WDR17: variants seen among roughly 807,000 people sequenced by gnomAD.
The protein encoded by WDR17 is WD repeat-containing protein 17.
In WDR17, 143 loss-of-function variants were observed where a neutral mutation model predicts 161.7. That is an observed-to-expected ratio of 0.88 (90% CI 0.77 to 1.02). The LOEUF (loss-of-function observed/expected upper bound fraction) is 1.02. Among genes scored for constraint, WDR17 ranks in the 50% least tolerant of loss-of-function variants. The pLI is 0.00. For synonymous variants in WDR17, 517 were observed against 515.6 expected, an observed-to-expected ratio of 1.00 and a Z score of -0.04; for missense variants, 1,469 against 1,520.9, an observed-to-expected ratio of 0.97 and a Z score of 0.57.
At chr4:176,167,324 T>A (rs1352031688) in intron 22 of WDR17, among the ~76,000 whole-genome samples, 1 of 152,156 alleles carries the variant, frequency 6.6e-6, no homozygotes, top group South Asian at 2.1e-4. Context: ...ATGTCACCTC[T>A]TCTGTATGGC....
In WDR17 at chr4:176,120,033, T is replaced by C; in HGVS notation, c.474T>C (p.His158=). The C allele has an allele frequency of 6.2e-7, 1 of 1,614,068 alleles. No individual in the cohort carries two copies. ...CTGATATCTGTATGTTCAGATGGCA[T>C]ACACACCAAAAGGGGAAAGTTGTGT... The part of the protein sequence containing the change: ...FLSDICMFRW[H]THQKGKVVFG... Residue 158 remains histidine (H), a synonymous_variant, in exon 4 of 29, where the codon CAT becomes CAC. Coordinates refer to ENST00000508596, the MANE Select transcript of WDR17 (RefSeq NM_181265.4).
At chr4:176,096,448 T>C (rs1736872844) in intron 1 of WDR17, 1 of 1,259,264 alleles carries the variant, frequency 7.9e-7, no homozygotes, top group Non-Finnish European at 1.1e-6. Context: ...TTGAAACACA[T>C]TGTTGTTACT....
intron 25 of WDR17, among the ~76,000 whole-genome samples, chr4:176,174,336 T>C (rs1480376734): frequency 6.6e-6 from 1 of 152,068 alleles, no homozygotes; most frequent in Non-Finnish European, 1.5e-5. Flanking sequence ...TAGGGATAAA[T>C]TACATGAAGA....
chr4:176,170,850 C>T (rs1750633730), intron 23 of WDR17, among the ~76,000 whole-genome samples: 1 of 152,206 alleles, frequency 6.6e-6, no homozygotes, highest in South Asian at 2.1e-4. Context: ...TGCTCCTCGA[C>T]TTACCATGGG....
At chr4:176,145,866 A>G (rs976674014) in intron 11 of WDR17, 129 bp from the exon 12 acceptor site, 1 of 724,378 alleles carries the variant, frequency 1.4e-6, no homozygotes, top group Non-Finnish European at 2.1e-6. Flanking sequence ...TTACATATGT[A>G]AGTTTTTAGT....
intron 1 of WDR17, among the ~76,000 whole-genome samples, chr4:176,104,830 A>C (rs1171202168): frequency 6.6e-6 from 1 of 152,062 alleles, no homozygotes; most frequent in African/African-American, 2.4e-5. Context: ...TGAGGACAAA[A>C]AAACTATGAA....
chr4:176,155,958 C>A, intron 17 of WDR17, 121 bp from the exon 18 acceptor site: 1 of 863,452 alleles, frequency 1.2e-6, no homozygotes, highest in Non-Finnish European at 1.7e-6. Flanking sequence ...CAAATCAGGA[C>A]TCAAGAACTC....
intron 1 of WDR17, among the ~76,000 whole-genome samples, chr4:176,097,367 T>C (rs757621189): frequency 1.4e-4 from 22 of 152,138 alleles, no homozygotes; most frequent in African/African-American, 4.8e-4. Flanking sequence ...GCCAATGATA[T>C]ACAGTACTTT....
chr4:176,156,011 A>G, intron 17 of WDR17, 68 bp from the exon 18 acceptor site: 1 of 1,368,060 alleles, frequency 7.3e-7, no homozygotes, highest in African/African-American at 1.5e-5. Flanking sequence ...CTATTTTTTA[A>G]GTGTCTTAAG....
In WDR17 at chr4:176,172,521, G is replaced by T. The variant is rs1419745292; in HGVS notation, c.3244+5G>T. 3 of 1,575,680 alleles carry T rather than the reference G, an allele frequency of 1.9e-6. No homozygotes were observed. The highest frequency in any genetic ancestry group is 2.6e-6 in the Non-Finnish European group (3 of 1,168,090). ...TTGGTATTAGCTTTGTTAAAGGTAA[G>T]TAATTAGTTGGTAGTAGAATTTTAA... On this transcript the variant is annotated splice_donor_5th_base_variant and intron_variant, in intron 24 of 28. Transcript: ENST00000508596.
chr4:176,154,426 AG>A (rs1189467414), intron 17 of WDR17, among the ~76,000 whole-genome samples: 7 of 152,200 alleles, frequency 4.6e-5, no homozygotes, highest in African/African-American at 1.7e-4. Context: ...GGTTGCAGTG[AG>A]CCAAGATCAT....
At chr4:176,089,090 TAGAA>T (rs1735780120) in intron 1 of WDR17, among the ~76,000 whole-genome samples, 1 of 152,198 alleles carries the variant, frequency 6.6e-6, no homozygotes, top group Non-Finnish European at 1.5e-5. Flanking sequence ...TTGTTAATAT[TAGAA>T]AGCACTGCTG....
intron 7 of WDR17, 62 bp downstream of exon 7, chr4:176,131,800 A>C: frequency 8.2e-7 from 1 of 1,218,730 alleles, no homozygotes; most frequent in East Asian, 2.7e-5. Context: ...CATGATCTTT[A>C]CTTTTACCTG....
chr4:176,173,216 A>G (rs763082801), intron 24 of WDR17, 51 bp from the exon 25 acceptor site: 2 of 1,258,760 alleles, frequency 1.6e-6, no homozygotes, highest in African/African-American at 3.0e-5. Flanking sequence ...TGGATGAATA[A>G]ATTTTGAGAC....
In WDR17 at chr4:176,162,123, T is replaced by C; in HGVS notation, c.2799T>C (p.Asp933=). 3 of 1,613,462 alleles carry C rather than the reference T, an allele frequency of 1.9e-6. No individual in the cohort carries two copies. Among genetic ancestry groups the C allele is most frequent in the Non-Finnish European group, 2.5e-6 (3 of 1,179,558 alleles). The change falls in exon 21 of 29, where the codon GAT becomes GAC. Residue 933 remains aspartate, a synonymous_variant. Transcript: ENST00000508596. ...AACTGGCAGAATGGTATTTTCAAGA[T>C]GGTCGAGCAGTACTAGCCGCATGTT... The part of the protein sequence containing the change: ...SKELAEWYFQ[D]GRAVLAACCH...
chr4:176,172,630 C>T, intron 24 of WDR17, 114 bp downstream of exon 24: 1 of 949,956 alleles, frequency 1.1e-6, no homozygotes, highest in Non-Finnish European at 1.5e-6. Context: ...ATACCTGAGG[C>T]TGGGTAATTT....
intron 3 of WDR17, among the ~76,000 whole-genome samples, chr4:176,118,702 A>G (rs1455004742): frequency 6.6e-6 from 1 of 152,174 alleles, no homozygotes; most frequent in Non-Finnish European, 1.5e-5. Flanking sequence ...TTTCCAGGAC[A>G]GTAGCACAGT....
At chr4:176,085,701 T>A (rs754837759) in intron 1 of WDR17, among the ~76,000 whole-genome samples, 23 of 152,082 alleles carry the variant, frequency 1.5e-4, no homozygotes, top group Non-Finnish European at 2.8e-4. Context: ...TGTATTTTTC[T>A]TGATCAGTCC....
rs1484955319 is a variant in WDR17 at position 176,111,603 on chromosome 4, G to A, written c.23G>A (p.Gly8Glu). MSQVRQV[G>E]LLAAGCQPWN... is the part of the protein sequence containing the mutation. ...AACATGTCCCAGGTAAGGCAAGTGG[G>A]ATTGCTGGCTGCTGGATGTCAGCCA... The change falls in exon 2 of 29, where the codon GGA becomes GAA. Residue 8 changes from glycine (G) to glutamate (E), a missense_variant. Gly to Glu is a moderately conservative substitution (Grantham distance 98, BLOSUM62 -2). Transcript: ENST00000508596. 8 of 1,609,680 alleles carry A rather than the reference G, an allele frequency of 5.0e-6. No homozygotes were observed. The highest frequency in any genetic ancestry group is 5.1e-6 in the Non-Finnish European group (6 of 1,177,518).
Sources: gnomAD v4.1 joint callset for allele counts (sites outside exome capture counted in the v4.1 genomes callset) on GRCh38, gnomAD v4.1.1 for gene constraint, MANE v1.5 for transcripts, NCBI Gene and HGNC (gene_info 2026-07-23, HGNC 2026-07-21) for gene names.